Variants in IKBKB observed in about 807,000 individuals in gnomAD.
The protein encoded by IKBKB is inhibitor of nuclear factor kappa-B kinase subunit beta.
IKBKB carries 42 observed loss-of-function variants against 113.6 expected under a neutral mutation model. That is an observed-to-expected ratio of 0.37 (90% CI 0.29 to 0.48). The LOEUF (loss-of-function observed/expected upper bound fraction) is 0.48. Among genes scored for constraint, IKBKB ranks in the 20% least tolerant of loss-of-function variants. The pLI, the probability that IKBKB is intolerant of heterozygous loss-of-function variation, is 0.99. For missense variants in IKBKB, 673 were observed against 939.7 expected (o/e 0.72, Z 3.71); for synonymous variants, 296 against 361.3 (o/e 0.82, Z 2.05).
At chr8:42,282,416 A>G (rs964146745) in intron 2 of IKBKB, among the ~76,000 whole-genome samples, 1 of 152,206 alleles carries the variant, frequency 6.6e-6, no homozygotes, top group Non-Finnish European at 1.5e-5. Context: ...CATATTGCCC[A>G]GGCTGGTCTC....
intron 21 of IKBKB, among the ~76,000 whole-genome samples, chr8:42,330,553 C>T (rs1360524752): frequency 6.6e-6 from 1 of 151,934 alleles, no homozygotes; most frequent in Non-Finnish European, 1.5e-5. Context: ...CTCTTTTGCC[C>T]AGGGTGGAGT....
chr8:42,320,806 C>T lies in IKBKB; in HGVS notation c.1650C>T (p.Ser550=). 6.2e-7 allele frequency: 1 copy of T among 1,606,780 alleles called. No homozygotes were observed. The highest frequency in any genetic ancestry group is 8.5e-7 in the Non-Finnish European group (1 of 1,176,342). The change falls in exon 16 of 22, where the codon AGC becomes AGT. Residue 550 remains serine (S), a synonymous_variant. Coordinates refer to ENST00000520810, the MANE Select transcript of IKBKB (RefSeq NM_001556.3). ...CCGACATTGTGGACTTACAGAGGAG[C>T]CCCATGGGCCGGAAGCAGGGGGGAA... The part of the protein sequence containing the change: ...LQTDIVDLQR[S]PMGRKQGGTL...
rs746482086 is a variant in IKBKB, at chr8:42,271,398, G to A, written c.-90G>A. On this transcript the variant is annotated 5_prime_UTR_variant, in exon 1 of 22. Coordinates refer to ENST00000520810, the MANE Select transcript of IKBKB (RefSeq NM_001556.3). ...GTTTTCAGGGGGGTGTCATAGCCCCGGGTTTGGCCGCCCCAGCCCCGCCTT... is the reference window on the plus strand; with the variant it reads ...GTTTTCAGGGGGGTGTCATAGCCCCAGGTTTGGCCGCCCCAGCCCCGCCTT... 1.4e-5 allele frequency: 21 copies of A among 1,515,544 alleles called. No homozygotes were observed. Among genetic ancestry groups the A allele is most frequent in the African/African-American group, 2.8e-5 (2 of 72,156 alleles). The allele number at this position is 1,515,544 out of a possible 1,614,324, so 93.9% of individuals were successfully genotyped here.
At chr8:42,305,296 G>A (rs1412668242) in intron 6 of IKBKB, 21 bp downstream of exon 6, 2 of 1,538,780 alleles carry the variant, frequency 1.3e-6, no homozygotes, top group East Asian at 2.2e-5. Context: ...TCCTGGGACT[G>A]GGAAAGCCTC....
In IKBKB at chr8:42,306,372, T is replaced by C; in HGVS notation, c.507T>C (p.Tyr169=). Residue 169 remains tyrosine (Y), a synonymous_variant, in exon 7 of 22, where the codon TAT becomes TAC. Transcript: ENST00000520810. The part of the protein sequence containing the change: ...RLIHKIIDLG[Y]AKELDQGSLC... ...TACACAAAATTATTGACCTAGGATA[T>C]GCCAAGGAGCTGGATCAGGGCAGTC... 3 of 1,613,022 alleles carry C rather than the reference T, an allele frequency of 1.9e-6. No homozygotes were observed. Among genetic ancestry groups the C allele is most frequent in the Non-Finnish European group, 8.5e-7 (1 of 1,179,008 alleles).
At chr8:42,300,965 T>C (rs1815078208) in intron 5 of IKBKB, among the ~76,000 whole-genome samples, 1 of 152,146 alleles carries the variant, frequency 6.6e-6, no homozygotes, top group African/African-American at 2.4e-5. Context: ...AGTGATCCTC[T>C]CACCTCAGTC....
chr8:42,272,477 C>T, intron 2 of IKBKB: 2 of 579,170 alleles, frequency 3.5e-6, no homozygotes, highest in South Asian at 4.6e-5. Flanking sequence ...AGTAGAATAT[C>T]ATGTACTAAT....
intron 19 of IKBKB, among the ~76,000 whole-genome samples, chr8:42,323,677 G>A (rs570415407): frequency 6.6e-6 from 1 of 152,360 alleles, no homozygotes; most frequent in African/African-American, 2.4e-5. Context: ...GCAGAGAACA[G>A]AGGGGCTGGG....
chr8:42,314,390 A>G lies in IKBKB; in HGVS notation c.761A>G (p.Lys254Arg). The G allele has an allele frequency of 6.2e-7, 1 of 1,613,566 alleles. No individual in the cohort carries two copies. The highest frequency in any genetic ancestry group is 8.5e-7 in the Non-Finnish European group (1 of 1,179,436). The change falls in exon 9 of 22, where the codon AAG becomes AGG. Residue 254 changes from lysine (K) to arginine (R), a missense_variant. This residue lies in a region of IKBKB where 506 missense variants were observed against 638.7 expected (regional missense o/e 0.79). Transcript: ENST00000520810. ...AGCGAAGACTTGAATGGAACGGTGAAGTTTTCAAGCTCTTTACCCTACCCC... is the reference window on the plus strand; with the variant it reads ...AGCGAAGACTTGAATGGAACGGTGAGGTTTTCAAGCTCTTTACCCTACCCC... ...VVSEDLNGTV[K>R]FSSSLPYPNN...
At chr8:42,310,813 A>G (rs966901025) in intron 8 of IKBKB, among the ~76,000 whole-genome samples, 152 of 152,338 alleles carry the variant, frequency 1.0e-3, no homozygotes, top group African/African-American at 3.6e-3. Context: ...TATAATCTTC[A>G]TACAACGTGC....
At chr8:42,326,788 G>T (rs1410849174) in intron 20 of IKBKB, among the ~76,000 whole-genome samples, 1 of 152,186 alleles carries the variant, frequency 6.6e-6, no homozygotes, top group East Asian at 1.9e-4. Flanking sequence ...GGGCCCAGCA[G>T]TCTGTGTCTA....
rs1387426723 is a variant in IKBKB, at chr8:42,320,753, C to A, written c.1597C>A (p.Leu533Met). Reference protein sequence around the residue: ...LCGRENEVKLLVERMMALQTD... With the variant: ...LCGRENEVKLMVERMMALQTD... ...CCATTAGGAGAACGAAGTGAAACTC[C>A]TGGTAGAACGGATGATGGCTCTGCA... The change falls in exon 16 of 22, where the codon CTG (leucine) becomes ATG (methionine). Residue 533 changes from leucine to methionine, a missense_variant. By Grantham distance (15) the Leu-to-Met change is conservative (BLOSUM62 2). Transcript: ENST00000520810. 1 of 1,613,074 alleles carries A rather than the reference C, an allele frequency of 6.2e-7. No homozygotes were observed. Among genetic ancestry groups the A allele is most frequent in the African/African-American group, 1.3e-5 (1 of 74,866 alleles).
chr8:42,313,287 C>T lies in IKBKB; in HGVS notation c.693-1035C>T, dbSNP rs145125041. On this transcript the variant is annotated intron_variant, in intron 8 of 21. Transcript: ENST00000520810. ...GCAACATGGTAAAACCCCGTCTCTA[C>T]AAAAAATACAAAAATTTGCTGGGTG... 3.4e-3 allele frequency among the ~76,000 whole-genome samples: 519 copies of T among 152,186 alleles called. 5 individuals carry two copies. The highest frequency in any genetic ancestry group is 0.012 in the African/African-American group (490 of 41,514).
At chr8:42,274,764 C>T (rs773161499) in intron 2 of IKBKB, among the ~76,000 whole-genome samples, 9 of 100,726 alleles carry the variant, frequency 8.9e-5, no homozygotes, top group East Asian at 3.4e-4. Flanking sequence ...AACTCCTGAA[C>T]TTAGGTGATC....
intron 19 of IKBKB, chr8:42,325,482 C>CAG: frequency 2.5e-6 from 2 of 794,248 alleles, no homozygotes; most frequent in Non-Finnish European, 3.1e-6. Flanking sequence ...AGTTCGAGAC[C>CAG]AGCCTGGCCA....
At chr8:42,296,421 G>A (rs1286202740) in intron 5 of IKBKB, among the ~76,000 whole-genome samples, 1 of 152,206 alleles carries the variant, frequency 6.6e-6, no homozygotes, top group Non-Finnish European at 1.5e-5. Flanking sequence ...CACGAGGTCC[G>A]GAGTTCGAGG....
intron 19 of IKBKB, among the ~76,000 whole-genome samples, chr8:42,323,133 C>T (rs985653487): frequency 6.6e-6 from 1 of 152,198 alleles, no homozygotes; most frequent in Non-Finnish European, 1.5e-5. Flanking sequence ...TACAAGAACA[C>T]TTGTCATTGG....
At chr8:42,326,210 G>GTA in intron 20 of IKBKB, 113 bp downstream of exon 20, 1 of 1,300,740 alleles carries the variant, frequency 7.7e-7, no homozygotes, top group Non-Finnish European at 1.1e-6. Context: ...CACCTCTCTG[G>GTA]ATGTTTGTTG....
At chr8:42,284,852 C>CTTTT (rs559953662) in intron 2 of IKBKB, among the ~76,000 whole-genome samples, 8 of 116,090 alleles carry the variant, frequency 6.9e-5, no homozygotes, top group Non-Finnish European at 1.0e-4. Flanking sequence ...AAACGTTATT[C>CTTTT]TTTTTTTTTT....
Sources: gnomAD v4.1 joint callset for allele counts (sites outside exome capture counted in the v4.1 genomes callset) on GRCh38, gnomAD v4.1.1 for gene constraint, gnomAD v4.1.1 regional missense constraint, MANE v1.5 for transcripts, NCBI Gene and HGNC (gene_info 2026-07-23, HGNC 2026-07-21) for gene names.